PCIF1: variants seen among roughly 807,000 people sequenced by gnomAD.
PCIF1 encodes the protein phosphorylated CTD interacting factor 1, also known as mRNA (2'-O-methyladenosine-N(6)-)-methyltransferase.
PCIF1 carries 12 observed loss-of-function variants against 86.9 expected under a neutral mutation model. That is an observed-to-expected ratio of 0.14 (90% CI 0.09 to 0.22). The LOEUF (loss-of-function observed/expected upper bound fraction) is 0.22, where lower values mean the gene tolerates loss of function less well. Ranked by LOEUF, PCIF1 falls within the 10% of genes least tolerant of loss-of-function variation. PCIF1 has a pLI of 1.00. For synonymous variants in PCIF1, 397 were observed against 372.0 expected, an observed-to-expected ratio of 1.07 and a Z score of -0.77; for missense variants, 701 against 951.1, an observed-to-expected ratio of 0.74 and a Z score of 3.46.
In PCIF1 at chr20:45,947,747, C is replaced by G; in HGVS notation, c.2107C>G (p.Pro703Ala). 1 of 1,598,246 alleles carries G rather than the reference C, an allele frequency of 6.3e-7. No homozygotes were observed. Among genetic ancestry groups the G allele is most frequent in the Non-Finnish European group, 8.5e-7 (1 of 1,171,972 alleles). The change falls in exon 17 of 17, where the codon CCC becomes GCC. Residue 703 changes from proline (P) to alanine (A), a missense_variant. Around this residue, in one of 7 missense-constraint regions of PCIF1, gnomAD observed 174 missense variants for 206.9 expected, o/e 0.84. Transcript: ENST00000372409. The surrounding 1 kb of genome is among the most constrained non-coding windows in gnomAD (Gnocchi z 5.4). ...REQGPSREPH[P>A]T ...GCAGGGTCCTAGCCGCGAGCCTCAC[C>G]CCACTTAACATATCCTGCGGGGAGG...
At chr20:45,944,752 G>A in intron 10 of PCIF1, 116 bp from the exon 11 acceptor site, 1 of 1,114,178 alleles carries the variant, frequency 9.0e-7, no homozygotes, top group East Asian at 2.5e-5. Context: ...CTAGTCAGCA[G>A]CAGAGCTGGT....
chr20:45,946,103 C>A lies in PCIF1; in HGVS notation c.1416C>A (p.Leu472=). 1 of 1,614,184 alleles carries A rather than the reference C, an allele frequency of 6.2e-7. No homozygotes were observed. ...ERFLPRVWCL[L]RRYQMMFGVG... ...TCCTGCCCCGGGTCTGGTGTCTTCT[C>A]CGACGGTACCAGGTACAGGCCTGGG... Residue 472 remains leucine, a synonymous_variant, in exon 13 of 17, where the codon CTC becomes CTA. Transcript: ENST00000372409.
chr20:45,946,414 G>A, intron 14 of PCIF1, 30 bp downstream of exon 14: 1 of 1,605,140 alleles, frequency 6.2e-7, no homozygotes, highest in South Asian at 1.1e-5. Flanking sequence ...CCTCTACCCA[G>A]GCCAGGGAAG....
intron 1 of PCIF1, 95 bp downstream of exon 1, chr20:45,934,899 T>A: frequency 2.5e-6 from 1 of 397,148 alleles, no homozygotes; most frequent in Non-Finnish European, 4.4e-6. Flanking sequence ...CGCTTTCTGC[T>A]CGGGACTGCC....
At chr20:45,936,300 G>C (rs1280192820) in intron 1 of PCIF1, among the ~76,000 whole-genome samples, 1 of 150,696 alleles carries the variant, frequency 6.6e-6, no homozygotes, top group Non-Finnish European at 1.5e-5. Flanking sequence ...TCAGCCTCCC[G>C]AGTAGCTGGG....
rs747726939 is a variant in PCIF1 at position 45,945,745 on chromosome 20, A to G, written c.1203A>G (p.Leu401=). The G allele has an allele frequency of 2.5e-6, 4 of 1,613,832 alleles. No homozygotes were observed. The highest frequency in any genetic ancestry group is 1.1e-5 in the South Asian group (1 of 91,086). ...AGGCCCCTGAGGTGGAGCCCCGCCT[A>G]GTGTACTGCTACCCAGTCCGGCTGG... ...EVEAPEVEPR[L]VYCYPVRLAV... The change falls in exon 12 of 17, where the codon CTA becomes CTG. Residue 401 remains leucine, a synonymous_variant. Coordinates refer to ENST00000372409, the MANE Select transcript of PCIF1 (RefSeq NM_022104.4).
rs1111749 is a variant in PCIF1 at position 45,937,894 on chromosome 20, A to G, written c.-20+309A>G. The stretch of plus-strand genomic sequence containing the variant: ...AATGATTCGTATGATGTCATCAACA[A>G]CCAATCAGAGCTTCTGATCAGCATG... On this transcript the variant is annotated intron_variant, in intron 2 of 16. Transcript: ENST00000372409. The G allele has an allele frequency of 6.2e-3, 1,636 of 263,596 alleles. 23 individuals carry two copies. Among genetic ancestry groups the G allele is most frequent in the African/African-American group, 0.033 (1,526 of 45,776 alleles). The allele number at this position is 263,596 out of a possible 1,614,324, so 16.3% of individuals were successfully genotyped here.
intron 11 of PCIF1, 85 bp from the exon 12 acceptor site, chr20:45,945,626 C>G: frequency 6.7e-7 from 1 of 1,494,488 alleles, no homozygotes; most frequent in Non-Finnish European, 9.1e-7. Flanking sequence ...TGGGACTTCC[C>G]TCTCTCGGTA....
intron 1 of PCIF1, among the ~76,000 whole-genome samples, chr20:45,935,203 C>T (rs1027628984): frequency 2.0e-5 from 3 of 150,048 alleles, no homozygotes; most frequent in Admixed American, 2.0e-4. Context: ...TGCGCGCGCG[C>T]GCGCGCGCTG....
At chr20:45,942,278 CTTTTTT>C (rs764329042) in intron 7 of PCIF1, among the ~76,000 whole-genome samples, 1 of 118,178 alleles carries the variant, frequency 8.5e-6, no homozygotes, top group African/African-American at 3.1e-5. Flanking sequence ...CCGGCCCACC[CTTTTTT>C]TTTTTTTTTT....
Position 45,939,353 on chromosome 20 carries a change from T to A in PCIF1, c.249+14T>A. Reference sequence around the variant, plus strand: ...CACGATGTGATTGTGAGTGCCAGCCTAGGGTGGGGGGGTCTCAGAGTGGCC... The same window carrying A: ...CACGATGTGATTGTGAGTGCCAGCCAAGGGTGGGGGGGTCTCAGAGTGGCC... On this transcript the variant is annotated intron_variant, in intron 4 of 16. Coordinates refer to ENST00000372409, the MANE Select transcript of PCIF1 (RefSeq NM_022104.4). 4.3e-6 allele frequency: 7 copies of A among 1,612,828 alleles called. No homozygotes were observed. The highest frequency in any genetic ancestry group is 5.9e-6 in the Non-Finnish European group (7 of 1,179,920).
chr20:45,947,973 G>A lies in PCIF1; in HGVS notation c.*218G>A. 6.5e-7 allele frequency: 1 copy of A among 1,528,720 alleles called. No homozygotes were observed. Among genetic ancestry groups the A allele is most frequent in the Non-Finnish European group, 8.8e-7 (1 of 1,142,504 alleles). The allele number at this position is 1,528,720 out of a possible 1,614,324, so 94.7% of individuals were successfully genotyped here. A position where few individuals can be genotyped will look rare whatever the true frequency, so the allele number is the denominator to read the frequency against. Reference sequence around the variant, plus strand: ...CCTTCCCAACCCCGCCCCTCACCCTGTTGCCACCTTGTTTCATTTGTAAAA... The same window carrying A: ...CCTTCCCAACCCCGCCCCTCACCCTATTGCCACCTTGTTTCATTTGTAAAA... On this transcript the variant is annotated 3_prime_UTR_variant, in exon 17 of 17. Coordinates refer to ENST00000372409, the MANE Select transcript of PCIF1 (RefSeq NM_022104.4). This position sits in a 1 kb window ranked among gnomAD's most constrained non-coding sequence, Gnocchi z 5.4.
chr20:45,941,159 A>G lies in PCIF1; in HGVS notation c.625A>G (p.Ile209Val). Reference sequence around the variant, plus strand: ...AGTGGAACTGCTCCGCTCTCAGCTCATCCTGAAGCTTCGGCAGCACTATCG... The same window carrying G: ...AGTGGAACTGCTCCGCTCTCAGCTCGTCCTGAAGCTTCGGCAGCACTATCG... ...PEVELLRSQL[I>V]LKLRQHYREL... Residue 209 changes from isoleucine to valine, a missense_variant, in exon 7 of 17, where the codon ATC becomes GTC. Transcript: ENST00000372409. 1.9e-6 allele frequency: 3 copies of G among 1,613,836 alleles called. No homozygotes were observed. The highest frequency in any genetic ancestry group is 2.5e-6 in the Non-Finnish European group (3 of 1,179,846).
chr20:45,939,133 G>A lies in PCIF1; in HGVS notation c.124+10G>A, dbSNP rs2083449010. The A allele has an allele frequency of 1.2e-6, 2 of 1,614,134 alleles. No homozygotes were observed. The highest frequency in any genetic ancestry group is 1.7e-5 in the Admixed American group (1 of 60,018). ...GTTCAGGACCTCCCAGGTACTGAGG[G>A]GGAGCAGTAGTGGGGTGGTGGGGTA... On this transcript the variant is annotated intron_variant, in intron 3 of 16. Transcript: ENST00000372409.
chr20:45,942,793 T>TC (rs888926033), intron 7 of PCIF1, among the ~76,000 whole-genome samples: 8 of 146,152 alleles, frequency 5.5e-5, no homozygotes, highest in African/African-American at 1.8e-4. Flanking sequence ...TTTTTTTTTT[T>TC]GTAGAGACAG....
intron 1 of PCIF1, among the ~76,000 whole-genome samples, chr20:45,936,454 G>A (rs2083427157): frequency 6.7e-6 from 1 of 150,086 alleles, no homozygotes; most frequent in Non-Finnish European, 1.5e-5. Flanking sequence ...CTCCCAAAGT[G>A]CTGGGATTAC....
At chr20:45,946,920 G>A (rs1339035139) in intron 14 of PCIF1, among the ~76,000 whole-genome samples, 153 bp from the exon 15 acceptor site, 4 of 152,128 alleles carry the variant, frequency 2.6e-5, no homozygotes, top group Admixed American at 6.5e-5. Context: ...CAGTGGAGAC[G>A]GTCATGCCTT....
Position 45,946,252 on chromosome 20 carries a change from C to T in PCIF1, c.1481C>T (p.Pro494Leu). 1 of 1,614,184 alleles carries T rather than the reference C, an allele frequency of 6.2e-7. No homozygotes were observed. The highest frequency in any genetic ancestry group is 8.5e-7 in the Non-Finnish European group (1 of 1,180,042). Reference sequence around the variant, plus strand: ...GGGACTGGCCTGCAGGGATCGCTGCCTGTGCATGTCTTTGAGGCCCTCCAC... The same window carrying T: ...GGGACTGGCCTGCAGGGATCGCTGCTTGTGCATGTCTTTGAGGCCCTCCAC... ...YEGTGLQGSL[P>L]VHVFEALHRL... The change falls in exon 14 of 17, where the codon CCT becomes CTT. Residue 494 changes from proline to leucine, a missense_variant. Around this residue, in one of 7 missense-constraint regions of PCIF1, gnomAD observed 61 missense variants for 118.5 expected, o/e 0.51. Coordinates refer to ENST00000372409, the MANE Select transcript of PCIF1 (RefSeq NM_022104.4).
At position 45,940,629 on chromosome 20, in the gene PCIF1, A is replaced by G. The variant is rs1475817712; in HGVS notation, c.387+17A>G. On this transcript the variant is annotated intron_variant, in intron 5 of 16. Transcript: ENST00000372409. Reference sequence around the variant, plus strand: ...AAGCCCAAGGTGAGTGTCTGTGGCCAGGAGCCGGCTGCCGAGCGGCCGGCT... The same window carrying G: ...AAGCCCAAGGTGAGTGTCTGTGGCCGGGAGCCGGCTGCCGAGCGGCCGGCT... 1 of 1,593,848 alleles carries G rather than the reference A, an allele frequency of 6.3e-7. No individual in the cohort carries two copies. The highest frequency in any genetic ancestry group is 1.1e-5 in the South Asian group (1 of 88,930).
Sources: gnomAD v4.1 joint callset for allele counts (sites outside exome capture counted in the v4.1 genomes callset) on GRCh38, gnomAD v4.1.1 for gene constraint, gnomAD v4.1.1 regional missense constraint, Gnocchi (gnomAD v3.1) non-coding constraint, MANE v1.5 for transcripts, NCBI Gene and HGNC (gene_info 2026-07-23, HGNC 2026-07-21) for gene names.